The following SLX4IP variants were observed in gnomAD, a reference collection of about 807,000 sequenced individuals.
The protein encoded by SLX4IP is protein SLX4IP.
A neutral mutation model predicts 32.9 loss-of-function variants in SLX4IP; 34 were observed. The observed-to-expected ratio is 1.03, with a 90% CI of 0.79 to 1.38. SLX4IP has a LOEUF of 1.38. Ranked by LOEUF, SLX4IP falls within the 40% of genes most tolerant of loss-of-function variation. The pLI is 0.00. For missense variants in SLX4IP, 444 were observed against 479.0 expected, an observed-to-expected ratio of 0.93 and a Z score of 0.68; for synonymous variants, 172 against 171.7, an observed-to-expected ratio of 1.00 and a Z score of -0.01.
chr20:10,604,746 A>G (rs1057200237), intron 6 of SLX4IP, among the ~76,000 whole-genome samples: 4 of 152,240 alleles, frequency 2.6e-5, no homozygotes, highest in African/African-American at 9.6e-5. Context: ...CTCTGCACAG[A>G]GTGCCCATGT....
intron 1 of SLX4IP, among the ~76,000 whole-genome samples, chr20:10,436,579 C>G: frequency 6.6e-6 from 1 of 152,192 alleles, no homozygotes; most frequent in East Asian, 1.9e-4. Flanking sequence ...TGTTCTCGAA[C>G]TCCTGACCTC....
chr20:10,515,079 C>CTTTTTT (rs35576843), intron 2 of SLX4IP, among the ~76,000 whole-genome samples: 42 of 82,914 alleles, frequency 5.1e-4, no homozygotes, highest in South Asian at 1.1e-3. Flanking sequence ...TAAGTTGAAG[C>CTTTTTT]TTTTTTTTTT....
intron 6 of SLX4IP, among the ~76,000 whole-genome samples, chr20:10,618,178 T>C (rs1271458603): frequency 1.3e-5 from 2 of 152,204 alleles, no homozygotes; most frequent in African/African-American, 2.4e-5. Flanking sequence ...GTGCATTGAC[T>C]GTCTTCATCC....
At chr20:10,440,745 T>G (rs1428184846) in intron 1 of SLX4IP, among the ~76,000 whole-genome samples, 1 of 152,220 alleles carries the variant, frequency 6.6e-6, no homozygotes, top group African/African-American at 2.4e-5. Context: ...ACTATTTTAT[T>G]AATGATTATC....
intron 6 of SLX4IP, among the ~76,000 whole-genome samples, chr20:10,616,431 TA>T (rs2067032269): frequency 6.8e-6 from 1 of 147,658 alleles, no homozygotes; most frequent in African/African-American, 2.6e-5. Flanking sequence ...AATAAATAAA[TA>T]AAATGTCAAG....
At chr20:10,523,002 C>T (rs2065912321) in intron 2 of SLX4IP, among the ~76,000 whole-genome samples, 1 of 152,154 alleles carries the variant, frequency 6.6e-6, no homozygotes, top group Non-Finnish European at 1.5e-5. Flanking sequence ...TTCTCCTTGC[C>T]ATTTAGCCTC....
At chr20:10,622,562 C>G in intron 7 of SLX4IP, 97 bp from the exon 8 acceptor site, 2 of 1,493,736 alleles carry the variant, frequency 1.3e-6, no homozygotes, top group Admixed American at 2.2e-5. Flanking sequence ...TAGTGCCTGC[C>G]TCCTTTTTCA....
At position 10,550,180 on chromosome 20, in the gene SLX4IP, G is replaced by A. The variant is rs144569369; in HGVS notation, c.28-6051G>A. 9.4e-3 allele frequency among the ~76,000 whole-genome samples: 1,431 copies of A among 152,232 alleles called. 26 individuals carry two copies. The highest frequency in any genetic ancestry group is 0.032 in the African/African-American group (1,338 of 41,534). The stretch of plus-strand genomic sequence containing the variant: ...GACTTGGGACTATGGTGGGAATTTC[G>A]TGCAGGCCTATCATCGGTTTCATCT... On this transcript the variant is annotated intron_variant, in intron 2 of 7. Transcript: ENST00000334534.
intron 4 of SLX4IP, among the ~76,000 whole-genome samples, chr20:10,595,060 C>T (rs1037547480): frequency 6.6e-6 from 1 of 152,020 alleles, no homozygotes; most frequent in Non-Finnish European, 1.5e-5. Context: ...ATACAGAGAG[C>T]AAATGGTGGC....
At chr20:10,469,830 C>T (rs544667056) in intron 2 of SLX4IP, among the ~76,000 whole-genome samples, 1 of 152,294 alleles carries the variant, frequency 6.6e-6, no homozygotes, top group African/African-American at 2.4e-5. Flanking sequence ...GTTTGTTTGC[C>T]TGGTGGTTGT....
chr20:10,603,667 C>T lies in SLX4IP; in HGVS notation c.405+1848C>T, dbSNP rs538770931. Among the ~76,000 whole-genome samples the T allele has an allele frequency of 2.0e-5, 3 of 152,264 alleles. No individual in the cohort carries two copies. In the East Asian group the frequency reaches 5.8e-4, roughly 29 times the overall value. ...CTTCACATATACATTTTCCCAGCCA[C>T]ATATGTCAGCTAAAGCCTGGCACTA... On this transcript the variant is annotated intron_variant, in intron 6 of 7. Coordinates refer to ENST00000334534, the MANE Select transcript of SLX4IP (RefSeq NM_001009608.3).
chr20:10,620,671 A>G (rs1194056724), intron 6 of SLX4IP, among the ~76,000 whole-genome samples: 7 of 152,014 alleles, frequency 4.6e-5, no homozygotes. Context: ...CTCCTGCCTC[A>G]ACCTCCCAAG....
intron 2 of SLX4IP, among the ~76,000 whole-genome samples, chr20:10,471,285 A>G (rs2065422746): frequency 6.6e-6 from 1 of 152,200 alleles, no homozygotes; most frequent in Admixed American, 6.5e-5. Flanking sequence ...TATCCTCATC[A>G]TGCAAGGCCC....
chr20:10,512,780 A>C (rs1237377712), intron 2 of SLX4IP, among the ~76,000 whole-genome samples: 175 of 6,522 alleles, frequency 0.027, 1 homozygote, highest in Non-Finnish European at 0.045. Flanking sequence ...CACACACTCT[A>C]TATATATATA....
In SLX4IP at chr20:10,598,542, G is replaced by A. The variant is rs187488020; in HGVS notation, c.239-133G>A. 494 of 833,318 alleles carry A rather than the reference G, an allele frequency of 5.9e-4. 5 individuals carry two copies. The East Asian group carries it at 0.013, about 22-fold the overall frequency. 51.6% of individuals were successfully genotyped at this position (833,318 alleles called of 1,614,324 possible). A position where few individuals can be genotyped will look rare whatever the true frequency, so the allele number is the denominator to read the frequency against. On this transcript the variant is annotated intron_variant, in intron 4 of 7. Coordinates refer to ENST00000334534, the MANE Select transcript of SLX4IP (RefSeq NM_001009608.3). ...GCCTCCCGAATTGTTGGGATTACAG[G>A]CGTGAGTCATCACACTCAGCTTCAT...
intron 2 of SLX4IP, among the ~76,000 whole-genome samples, chr20:10,506,468 G>A (rs556061709): frequency 1.2e-4 from 18 of 152,268 alleles, no homozygotes; most frequent in African/African-American, 4.3e-4. Flanking sequence ...CTACATGCTA[G>A]GCATGTGAAT....
intron 2 of SLX4IP, among the ~76,000 whole-genome samples, chr20:10,538,445 A>T (rs183793826): frequency 1.3e-5 from 2 of 152,252 alleles, no homozygotes; most frequent in African/African-American, 4.8e-5. Flanking sequence ...CAGACATTGT[A>T]CACAGGGAGG....
chr20:10,462,826 G>A (rs1415791033), intron 2 of SLX4IP, among the ~76,000 whole-genome samples: 2 of 152,122 alleles, frequency 1.3e-5, no homozygotes, highest in Non-Finnish European at 2.9e-5. Flanking sequence ...CATCATGGAG[G>A]GTCACAGTCA....
chr20:10,563,075 G>T (rs2066350476), intron 4 of SLX4IP, among the ~76,000 whole-genome samples: 1 of 152,124 alleles, frequency 6.6e-6, no homozygotes, highest in Non-Finnish European at 1.5e-5. Flanking sequence ...GCCAGCACTT[G>T]TTAGTTTTTG....
Sources: allele counts gnomAD v4.1 joint callset (sites outside exome capture counted in the v4.1 genomes callset), GRCh38; gene constraint gnomAD v4.1.1; transcripts MANE v1.5; gene names NCBI Gene and HGNC (gene_info 2026-07-23, HGNC 2026-07-21).